Variants in CDK10 observed in about 807,000 individuals in gnomAD.
The protein encoded by CDK10 is cyclin-dependent kinase 10.
Under a neutral mutation model 51.0 loss-of-function variants are expected in CDK10, and 55 were observed. The ratio of observed to expected loss-of-function variants is 1.08; its 90% CI spans 0.87 to 1.35. CDK10 has a LOEUF of 1.35. Among genes scored for constraint, CDK10 ranks in the 40% most tolerant of loss-of-function variants. The pLI, the probability that CDK10 is intolerant of heterozygous loss-of-function variation, is 0.00. For synonymous variants in CDK10, 255 were observed against 199.1 expected (o/e 1.28, Z -2.36); for missense variants, 589 against 485.1 (o/e 1.21, Z -2.01).
intron 9 of CDK10, 132 bp from the exon 10 acceptor site, chr16:89,694,533 A>T: frequency 6.8e-7 from 1 of 1,481,096 alleles, no homozygotes; most frequent in East Asian, 2.5e-5. Context: ...CCTGTCCTTC[A>T]CAGTGTCCCT....
In CDK10 at chr16:89,689,242, T is replaced by G. The variant is rs1239305511; in HGVS notation, c.88-10T>G. On this transcript the variant is annotated splice_polypyrimidine_tract_variant and intron_variant, in intron 1 of 12. Transcript: ENST00000353379. ...CAAATTTCCACACTGGCAACACCCTTCTGTTTCAGCTGGGACGATGCCGGA... is the reference window on the plus strand; with the variant it reads ...CAAATTTCCACACTGGCAACACCCTGCTGTTTCAGCTGGGACGATGCCGGA... 6.2e-7 allele frequency: 1 copy of G among 1,613,896 alleles called. No individual in the cohort carries two copies. Among genetic ancestry groups the G allele is most frequent in the Non-Finnish European group, 8.5e-7 (1 of 1,179,756 alleles).
intron 12 of CDK10, 108 bp from the exon 13 acceptor site, chr16:89,695,487 C>T: frequency 1.4e-6 from 2 of 1,472,516 alleles, no homozygotes; most frequent in Non-Finnish European, 9.3e-7. Flanking sequence ...CATGTGGAGG[C>T]ACAGACAGCC....
chr16:89,694,127 G>C, intron 8 of CDK10, 46 bp from the exon 9 acceptor site: 1 of 1,594,056 alleles, frequency 6.3e-7, no homozygotes, highest in South Asian at 1.1e-5. Flanking sequence ...GGCCTGGGCT[G>C]GGGGAGAGGA....
At chr16:89,690,479 A>C (rs761216151) in intron 2 of CDK10, 74 bp from the exon 3 acceptor site, 1 of 1,302,562 alleles carries the variant, frequency 7.7e-7, no homozygotes, top group Non-Finnish European at 1.1e-6. Flanking sequence ...GCTCAGGGAG[A>C]GCCTCCCGTT....
intron 1 of CDK10, chr16:89,687,589 G>C (rs1456801690): frequency 2.2e-6 from 1 of 446,588 alleles, no homozygotes; most frequent in Non-Finnish European, 4.6e-6. Context: ...TTTGAGACAG[G>C]GTCTAGCGCT....
intron 1 of CDK10, chr16:89,687,459 G>A (rs1416385034): frequency 2.2e-6 from 1 of 456,072 alleles, no homozygotes; most frequent in Non-Finnish European, 4.4e-6. Flanking sequence ...ATCGTGGCTG[G>A]ATGACAACAG....
intron 1 of CDK10, chr16:89,687,656 T>G (rs184290897): frequency 2.3e-6 from 1 of 442,020 alleles, no homozygotes; most frequent in East Asian, 7.2e-5. Flanking sequence ...GTCAGCCTCC[T>G]GGGCTCAAGT....
In CDK10 at chr16:89,689,693, G is replaced by C. The variant is rs1597842439; in HGVS notation, c.160+369G>C. 1.4e-5 allele frequency: 3 copies of C among 220,860 alleles called. No individual in the cohort carries two copies. The East Asian group carries it at 3.7e-4, about 27-fold the overall frequency. 13.7% of individuals were successfully genotyped at this position (220,860 alleles called of 1,614,324 possible). Reference sequence around the variant, plus strand: ...CTGAGCCCAGGTGTTTTTTCTTTTTGTTTGTTTTTGAGATGGGTCTTGCTC... The same window carrying C: ...CTGAGCCCAGGTGTTTTTTCTTTTTCTTTGTTTTTGAGATGGGTCTTGCTC... On this transcript the variant is annotated intron_variant, in intron 2 of 12. Transcript: ENST00000353379.
In CDK10 at chr16:89,695,890, GGGGCTCCCAGCCCGTGCACCCTGGAA is replaced by G. The variant is rs2060702470; in HGVS notation, c.*203_*228del. On this transcript the variant is annotated 3_prime_UTR_variant, in exon 13 of 13. Transcript: ENST00000353379. The stretch of plus-strand genomic sequence containing the variant: ...CCAGAAAAAGGCCGGGTGACACCGG[GGGGCTCCCAGCCCGTGCACCCTGGAA>G]GGGCAGGTCTGGCGGCTCCATCCGT... The G allele has an allele frequency of 1.6e-6, 2 of 1,259,270 alleles. No homozygotes were observed. Among genetic ancestry groups the G allele is most frequent in the East Asian group, 5.1e-5 (2 of 39,454 alleles). 78.0% of individuals were successfully genotyped at this position (1,259,270 alleles called of 1,614,324 possible).
chr16:89,686,725 T>A lies in CDK10; in HGVS notation c.15T>A (p.Asp5Glu), dbSNP rs773033679. ...CAGCGCTCGGCATGGCGGAGCCAGA[T>A]CTGGAGTGCGAGCAGATCCGTCTGA... Reference protein sequence around the residue: MAEPDLECEQIRLKC... With the variant: MAEPELECEQIRLKC... The change falls in exon 1 of 13, where the codon GAT (aspartate) becomes GAA (glutamate). Residue 5 changes from aspartate to glutamate, a missense_variant. Transcript: ENST00000353379. 6.2e-7 allele frequency: 1 copy of A among 1,608,076 alleles called. No individual in the cohort carries two copies. Among genetic ancestry groups the A allele is most frequent in the Non-Finnish European group, 8.5e-7 (1 of 1,177,444 alleles).
At chr16:89,694,508 A>G in intron 9 of CDK10, 157 bp from the exon 10 acceptor site, 1 of 1,353,600 alleles carries the variant, frequency 7.4e-7, no homozygotes, top group Non-Finnish European at 1.0e-6. Context: ...CCAGGAGGGG[A>G]GCCAGTGGTC....
intron 8 of CDK10, chr16:89,693,780 C>T: frequency 1.8e-6 from 1 of 548,638 alleles, no homozygotes; most frequent in Non-Finnish European, 3.3e-6. Context: ...GGACAGGCAG[C>T]TTGCATGCTT....
chr16:89,691,916 G>T, intron 5 of CDK10, 29 bp downstream of exon 5: 2 of 1,594,276 alleles, frequency 1.3e-6, no homozygotes, highest in Non-Finnish European at 1.7e-6. Flanking sequence ...TGGGGTGGGG[G>T]AATGGGCTTC....
chr16:89,693,566 T>G, intron 8 of CDK10, 99 bp downstream of exon 8: 1 of 1,215,754 alleles, frequency 8.2e-7, no homozygotes, highest in Non-Finnish European at 1.2e-6. Context: ...GCCTTGGGAA[T>G]GTTAAGCTAC....
chr16:89,687,388 T>C (rs531122246), intron 1 of CDK10: 1 of 437,894 alleles, frequency 2.3e-6, no homozygotes, highest in Non-Finnish European at 4.7e-6. Flanking sequence ...GGTTTGTGTT[T>C]TTAACTGCTG....
chr16:89,691,663 C>A, intron 4 of CDK10, 118 bp downstream of exon 4: 2 of 1,186,360 alleles, frequency 1.7e-6, no homozygotes, highest in East Asian at 2.4e-5. Context: ...GAAGAGATGA[C>A]CCCACCTCAC....
rs969651369 is a variant in CDK10 at position 89,686,703 on chromosome 16, C to G, written c.-8C>G. ...CTGCGCGCAAGAGAGGCGGGGCCAG[C>G]GCTCGGCATGGCGGAGCCAGATCTG... On this transcript the variant is annotated 5_prime_UTR_variant, in exon 1 of 13. Coordinates refer to ENST00000353379, the MANE Select transcript of CDK10 (RefSeq NM_052988.5). The G allele has an allele frequency of 3.8e-6, 6 of 1,571,346 alleles. No homozygotes were observed. In the African/African-American group the frequency reaches 5.4e-5, roughly 14 times the overall value.
In CDK10 at chr16:89,695,627, C is replaced by G; in HGVS notation, c.1018C>G (p.His340Asp). 3.7e-6 allele frequency: 6 copies of G among 1,606,276 alleles called. No individual in the cohort carries two copies. Among genetic ancestry groups the G allele is most frequent in the Non-Finnish European group, 5.1e-6 (6 of 1,177,894 alleles). ...GCCGGAGCTCATGCCGACCTTTCCCCACCACCGCAACAAGCGGGCCGCCCC... is the reference window on the plus strand; with the variant it reads ...GCCGGAGCTCATGCCGACCTTTCCCGACCACCGCAACAAGCGGGCCGCCCC... ...CEPELMPTFP[H>D]HRNKRAAPAT... The change falls in exon 13 of 13, where the codon CAC becomes GAC. Residue 340 changes from histidine to aspartate, a missense_variant. Coordinates refer to ENST00000353379, the MANE Select transcript of CDK10 (RefSeq NM_052988.5).
Position 89,695,076 on chromosome 16 carries a change from G to T in CDK10, c.932+6G>T. The T allele has an allele frequency of 1.9e-6, 3 of 1,611,496 alleles. No individual in the cohort carries two copies. Among genetic ancestry groups the T allele is most frequent in the Non-Finnish European group, 2.5e-6 (3 of 1,179,320 alleles). ...ATGTACGACCCTAAGAAAAGGTGCT[G>T]ATCTCTGCACGGGGGGCAGGGACCC... On this transcript the variant is annotated splice_donor_region_variant and intron_variant, in intron 11 of 12. Transcript: ENST00000353379.
Sources: allele counts gnomAD v4.1 joint callset, GRCh38; gene constraint gnomAD v4.1.1; transcripts MANE v1.5; gene names NCBI Gene and HGNC (gene_info 2026-07-23, HGNC 2026-07-21).